Variants in SMG6 observed in about 807,000 individuals in gnomAD.
SMG6 encodes SMG6 nonsense mediated mRNA decay factor.
SMG6 carries 66 observed loss-of-function variants against 142.2 expected under a neutral mutation model. The ratio of observed to expected loss-of-function variants is 0.46; its 90% CI spans 0.38 to 0.57. SMG6 has a LOEUF of 0.57. Ranked by LOEUF, SMG6 falls within the 20% of genes least tolerant of loss-of-function variation. SMG6 has a pLI of 0.00. For missense variants in SMG6, 1,793 were observed against 1,832.0 expected, an observed-to-expected ratio of 0.98 and a Z score of 0.39; for synonymous variants, 779 against 702.4, an observed-to-expected ratio of 1.11 and a Z score of -1.72.
At chr17:2,087,543 A>C in intron 13 of SMG6, 3 of 1,025,492 alleles carry the variant, frequency 2.9e-6, no homozygotes, top group African/African-American at 1.7e-5. Context: ...GTTGATGTAG[A>C]AGGTTCTCGG....
intron 10 of SMG6, among the ~76,000 whole-genome samples, chr17:2,222,281 T>C (rs962310483): frequency 6.6e-6 from 1 of 151,572 alleles, no homozygotes; most frequent in African/African-American, 2.4e-5. Flanking sequence ...AGGTTTGGAG[T>C]AGAATGCAGC....
intron 13 of SMG6, among the ~76,000 whole-genome samples, chr17:2,111,802 G>C (rs919243069): frequency 6.6e-6 from 1 of 152,200 alleles, no homozygotes; most frequent in Non-Finnish European, 1.5e-5. Context: ...TTGAAGGAAG[G>C]AGAACAGGCT....
intron 13 of SMG6, 90 bp downstream of exon 13, chr17:2,172,568 C>T: frequency 7.4e-7 from 1 of 1,349,626 alleles, no homozygotes; most frequent in Non-Finnish European, 1.1e-6. Flanking sequence ...TAATCATGTT[C>T]CATTTGCACA....
rs2068008950 is a variant in SMG6, at chr17:2,068,502, G to C, written c.3835+276C>G. Among the ~76,000 whole-genome samples, 1 of 152,230 alleles carries C rather than the reference G, an allele frequency of 6.6e-6. No individual in the cohort carries two copies. The highest frequency in any genetic ancestry group is 2.4e-5 in the African/African-American group (1 of 41,458). ...TGCTGTTTTACTGCAAGCTTTATAA[G>C]GATAAAAACAAGGGCTGGGCTCATG... On this transcript the variant is annotated intron_variant, in intron 16 of 18. Coordinates refer to ENST00000263073, the MANE Select transcript of SMG6 (RefSeq NM_017575.5). This position sits in a 1 kb window ranked among gnomAD's most constrained non-coding sequence, Gnocchi z 6.7.
At chr17:2,244,970 C>A (rs938433033) in intron 8 of SMG6, 10 of 526,206 alleles carry the variant, frequency 1.9e-5, no homozygotes, top group East Asian at 1.5e-4. Flanking sequence ...CACCTGTGTG[C>A]AGGGGATGAG....
Position 2,065,539 on chromosome 17 carries a change from G to A in SMG6, c.3976C>T (p.Arg1326Ter). ...TCATTGCCACGGCTGGTCAGGGCTC[G>A]CAGGCAAGAGTCCCGACTCTCGAAT... ...QRFESRDSCL[R>*]ALTSRGNELE... Residue 1326 changes from arginine to a stop codon, truncating the protein, a stop_gained, in exon 17 of 19, where the codon CGA becomes TGA. Coordinates refer to ENST00000263073, the MANE Select transcript of SMG6 (RefSeq NM_017575.5). LOFTEE classifies it high-confidence loss of function. The A allele has an allele frequency of 1.2e-6, 2 of 1,613,922 alleles. No homozygotes were observed. The highest frequency in any genetic ancestry group is 1.7e-6 in the Non-Finnish European group (2 of 1,179,990).
At chr17:2,130,742 T>C (rs1354086458) in intron 13 of SMG6, among the ~76,000 whole-genome samples, 5 of 148,482 alleles carry the variant, frequency 3.4e-5, no homozygotes, top group Non-Finnish European at 7.5e-5. Context: ...AACAATCAAG[T>C]GGTTTAAAAA....
At chr17:2,089,952 G>A (rs1183030983) in intron 13 of SMG6, among the ~76,000 whole-genome samples, 1 of 152,082 alleles carries the variant, frequency 6.6e-6, no homozygotes, top group Non-Finnish European at 1.5e-5. Context: ...GGGAGGCCAA[G>A]GTGGGCAGAT....
intron 15 of SMG6, among the ~76,000 whole-genome samples, chr17:2,073,684 G>A (rs1457761768): frequency 6.9e-6 from 1 of 144,656 alleles, no homozygotes; most frequent in African/African-American, 2.6e-5. Flanking sequence ...ACTCCAGCCT[G>A]GGCAACAGAG....
intron 13 of SMG6, among the ~76,000 whole-genome samples, chr17:2,097,637 G>C (rs2068892230): frequency 6.6e-6 from 1 of 152,114 alleles, no homozygotes; most frequent in Non-Finnish European, 1.5e-5. Flanking sequence ...CTGGGGCCAT[G>C]TAAAAAAACA....
chr17:2,176,842 C>A (rs1256628732), intron 12 of SMG6, among the ~76,000 whole-genome samples: 1 of 152,216 alleles, frequency 6.6e-6, no homozygotes, highest in Non-Finnish European at 1.5e-5. Flanking sequence ...CCAAGGCTCA[C>A]TTGCTTCCCT....
At chr17:2,290,809 G>C (rs938816514) in intron 6 of SMG6, among the ~76,000 whole-genome samples, 3 of 152,144 alleles carry the variant, frequency 2.0e-5, no homozygotes, top group Non-Finnish European at 4.4e-5. Context: ...CAAAAGATCT[G>C]AACACCTCAC....
At chr17:2,207,730 T>C (rs992305814) in intron 10 of SMG6, among the ~76,000 whole-genome samples, 1 of 152,196 alleles carries the variant, frequency 6.6e-6, no homozygotes, top group Non-Finnish European at 1.5e-5. Flanking sequence ...AGTATAACAG[T>C]ATGCTATAAA....
intron 13 of SMG6, among the ~76,000 whole-genome samples, chr17:2,150,226 C>T (rs779182268): frequency 2.6e-5 from 4 of 152,216 alleles, no homozygotes; most frequent in Non-Finnish European, 4.4e-5. Flanking sequence ...ATCTAGCCTG[C>T]GTGCTCCTTC....
At chr17:2,290,380 A>T (rs2075003995) in intron 6 of SMG6, among the ~76,000 whole-genome samples, 1 of 152,268 alleles carries the variant, frequency 6.6e-6, no homozygotes, top group African/African-American at 2.4e-5. Context: ...TCATTTCAAC[A>T]AATGGTGCTA....
chr17:2,144,623 C>G (rs542962148), intron 13 of SMG6, among the ~76,000 whole-genome samples: 1 of 152,140 alleles, frequency 6.6e-6, no homozygotes, highest in African/African-American at 2.4e-5. Flanking sequence ...TTCTTTGTGG[C>G]CTGAGTAGAA....
chr17:2,163,245 G>A (rs1464144280), intron 13 of SMG6, among the ~76,000 whole-genome samples: 1 of 151,972 alleles, frequency 6.6e-6, no homozygotes, highest in African/African-American at 2.4e-5. Context: ...GGAATGCAGT[G>A]GTATGATCAC....
chr17:2,279,671 A>C (rs1027571524), intron 8 of SMG6, among the ~76,000 whole-genome samples: 1 of 152,192 alleles, frequency 6.6e-6, no homozygotes, highest in Non-Finnish European at 1.5e-5. Context: ...AGGTGGACTC[A>C]ACAGTATCCA....
intron 15 of SMG6, among the ~76,000 whole-genome samples, chr17:2,076,777 A>G (rs2068271482): frequency 6.6e-6 from 1 of 152,234 alleles, no homozygotes; most frequent in Non-Finnish European, 1.5e-5. Flanking sequence ...GGAGGCTGAC[A>G]GGAGGCAGGG....
Sources: allele counts gnomAD v4.1 joint callset (sites outside exome capture counted in the v4.1 genomes callset), GRCh38; gene constraint gnomAD v4.1.1; non-coding constraint Gnocchi (gnomAD v3.1); transcripts MANE v1.5; gene names NCBI Gene and HGNC (gene_info 2026-07-23, HGNC 2026-07-21).